RALB: variants seen among roughly 807,000 people sequenced by gnomAD.
RALB encodes the protein RAS like proto-oncogene B, also known as ras-related protein Ral-B.
In RALB, 16 loss-of-function variants were observed where a neutral mutation model predicts 21.3. The ratio of observed to expected loss-of-function variants is 0.75; its 90% CI spans 0.51 to 1.14. The LOEUF (loss-of-function observed/expected upper bound fraction) is 1.14. RALB is among the 50% of genes most tolerant of loss of function. The pLI, the probability that RALB is intolerant of heterozygous loss-of-function variation, is 0.00. For synonymous variants in RALB, 93 were observed against 96.1 expected (o/e 0.97, Z 0.19); for missense variants, 161 against 256.2 (o/e 0.63, Z 2.54).
In RALB at chr2:120,294,200, A is replaced by G; in HGVS notation, c.*940A>G. On this transcript the variant is annotated 3_prime_UTR_variant, in exon 5 of 5. Transcript: ENST00000272519. ...CTAAGTGTCACACACACTCTTCCCA[A>G]AGACGTGATGAGTTAAAGTTGTATT... The G allele has an allele frequency of 2.5e-6, 1 of 398,536 alleles. No homozygotes were observed. Among genetic ancestry groups the G allele is most frequent in the Non-Finnish European group, 4.4e-6 (1 of 226,054 alleles). The allele number at this position is 398,536 out of a possible 1,614,324, so 24.7% of individuals were successfully genotyped here. A position where few individuals can be genotyped will look rare whatever the true frequency, so the allele number is the denominator to read the frequency against.
intron 2 of RALB, among the ~76,000 whole-genome samples, chr2:120,283,332 C>T (rs942935642): frequency 3.9e-5 from 6 of 152,096 alleles, no homozygotes; most frequent in African/African-American, 1.2e-4. Flanking sequence ...GTATTTTATG[C>T]GTGGCCCAAG....
Position 120,278,869 on chromosome 2 carries a change from A to T in RALB, c.114+91A>T, listed in dbSNP as rs1176007063. On this transcript the variant is annotated intron_variant, in intron 2 of 4. Transcript: ENST00000272519. ...TGTTTCTGTGCCGGTCCTCCCGTACACAGGGGTTCACGGAGCAAGTCTGTG... is the reference window on the plus strand; with the variant it reads ...TGTTTCTGTGCCGGTCCTCCCGTACTCAGGGGTTCACGGAGCAAGTCTGTG... 9.0e-6 allele frequency: 11 copies of T among 1,226,318 alleles called. No homozygotes were observed. In the East Asian group the frequency reaches 1.8e-4, roughly 20 times the overall value. 76.0% of individuals were successfully genotyped at this position (1,226,318 alleles called of 1,614,324 possible). A position where few individuals can be genotyped will look rare whatever the true frequency, so the allele number is the denominator to read the frequency against.
chr2:120,243,307 G>A (rs1688922529), intron 1 of RALB, among the ~76,000 whole-genome samples: 1 of 152,242 alleles, frequency 6.6e-6, no homozygotes, highest in Admixed American at 6.5e-5. Context: ...GCTTCTTAGA[G>A]GAGGAAGTGG....
At chr2:120,284,292 C>G (rs530755878) in intron 2 of RALB, among the ~76,000 whole-genome samples, 1 of 152,286 alleles carries the variant, frequency 6.6e-6, no homozygotes, top group East Asian at 1.9e-4. Context: ...CTCAAATAAC[C>G]TTTAATTCAC....
At chr2:120,259,629 C>T (rs555608307) in intron 1 of RALB, among the ~76,000 whole-genome samples, 174 of 152,294 alleles carry the variant, frequency 1.1e-3, no homozygotes, top group African/African-American at 3.7e-3. Context: ...TTACAATCCA[C>T]GAGCTAGATA....
chr2:120,263,269 A>G (rs1233372601), intron 1 of RALB, among the ~76,000 whole-genome samples: 2 of 151,980 alleles, frequency 1.3e-5, no homozygotes, highest in Non-Finnish European at 2.9e-5. Flanking sequence ...CCCTGGGCTC[A>G]GTGGTCCTCC....
intron 1 of RALB, among the ~76,000 whole-genome samples, chr2:120,269,969 A>G (rs916304362): frequency 1.3e-5 from 2 of 152,156 alleles, no homozygotes; most frequent in African/African-American, 4.8e-5. Context: ...CTAATGTTTT[A>G]TTTACATTTC....
chr2:120,282,244 C>T (rs1030405074), intron 2 of RALB, among the ~76,000 whole-genome samples: 4 of 151,976 alleles, frequency 2.6e-5, no homozygotes, highest in East Asian at 3.9e-4. Flanking sequence ...TTTGGGAGGC[C>T]GAGGCGGGCA....
intron 3 of RALB, among the ~76,000 whole-genome samples, chr2:120,289,081 T>C (rs1690243258): frequency 6.6e-6 from 1 of 152,222 alleles, no homozygotes; most frequent in Admixed American, 6.5e-5. Context: ...CCCACTAGAT[T>C]GGTTTTGTGA....
chr2:120,249,332 C>G (rs750676849), upstream of RALB, among the ~76,000 whole-genome samples: 4 of 152,178 alleles, frequency 2.6e-5, no homozygotes, highest in African/African-American at 9.7e-5. Flanking sequence ...CGCGCCCGTC[C>G]GTGTTAGTCC....
chr2:120,286,024 TTTC>T lies in RALB; in HGVS notation c.271_273del (p.Leu91del). On this transcript the variant is annotated inframe_deletion, in exon 3 of 5. Transcript: ENST00000272519. ...TAACTACTTTCGGAGTGGGGAAGGGTTTCTTCTTGTGTTCTCAATCACAGAACA... is the reference window on the plus strand; with the variant it reads ...TAACTACTTTCGGAGTGGGGAAGGGTTTCTTGTGTTCTCAATCACAGAACA... The T allele has an allele frequency of 6.2e-7, 1 of 1,613,202 alleles. No homozygotes were observed. Among genetic ancestry groups the T allele is most frequent in the Non-Finnish European group, 8.5e-7 (1 of 1,179,838 alleles).
At chr2:120,263,793 G>T (rs1689429875) in intron 1 of RALB, among the ~76,000 whole-genome samples, 1 of 151,992 alleles carries the variant, frequency 6.6e-6, no homozygotes, top group African/African-American at 2.4e-5. Flanking sequence ...GCCTCCTAAA[G>T]TGCTGGGATT....
intron 1 of RALB, among the ~76,000 whole-genome samples, chr2:120,260,660 G>A (rs1689341305): frequency 6.6e-6 from 1 of 152,228 alleles, no homozygotes; most frequent in South Asian, 2.1e-4. Context: ...CAGCCTGTGG[G>A]AGAATGTGGG....
chr2:120,269,354 AGTAAGATTTATT>A (rs1689594912), intron 1 of RALB, among the ~76,000 whole-genome samples: 1 of 152,216 alleles, frequency 6.6e-6, no homozygotes, highest in Non-Finnish European at 1.5e-5. Flanking sequence ...AGTGAACAGC[AGTAAGATTTATT>A]GTGAAGAGTG....
At chr2:120,253,399 C>T in intron 1 of RALB, 1 of 985,600 alleles carries the variant, frequency 1.0e-6, no homozygotes, top group Non-Finnish European at 1.2e-6. Context: ...TCGGAACTTG[C>T]ACGCGCCGTG....
intron 1 of RALB, among the ~76,000 whole-genome samples, chr2:120,241,729 A>G (rs1688898156): frequency 6.6e-6 from 1 of 152,090 alleles, no homozygotes; most frequent in Non-Finnish European, 1.5e-5. Flanking sequence ...TCCATCTCAA[A>G]AAAAACAAAA....
chr2:120,244,206 C>A (rs1229737312), intron 1 of RALB, among the ~76,000 whole-genome samples: 3 of 152,252 alleles, frequency 2.0e-5, no homozygotes, highest in East Asian at 1.9e-4. Flanking sequence ...CCTACCAGAT[C>A]TCAACCCCAA....
intron 2 of RALB, chr2:120,280,733 G>T: frequency 3.7e-6 from 1 of 269,734 alleles, no homozygotes; most frequent in Non-Finnish European, 7.3e-6. Flanking sequence ...AAAAACTCAT[G>T]TAGTTGTGAA....
chr2:120,269,635 T>G (rs1689610025), intron 1 of RALB, among the ~76,000 whole-genome samples: 1 of 152,210 alleles, frequency 6.6e-6, no homozygotes, highest in African/African-American at 2.4e-5. Flanking sequence ...GAGGACTGAT[T>G]GGTGCATTTT....
Sources: allele counts gnomAD v4.1 joint callset (sites outside exome capture counted in the v4.1 genomes callset), GRCh38; gene constraint gnomAD v4.1.1; transcripts MANE v1.5; gene names NCBI Gene and HGNC (gene_info 2026-07-23, HGNC 2026-07-21).